Variants in SLCO1A2 observed in about 807,000 individuals in gnomAD.
SLCO1A2 encodes the protein solute carrier organic anion transporter family member 1A2.
A neutral mutation model predicts 69.0 loss-of-function variants in SLCO1A2; 67 were observed. That is an observed-to-expected ratio of 0.97 (90% confidence interval 0.80 to 1.19). The LOEUF is 1.19. SLCO1A2 is among the 50% of genes most tolerant of loss of function. SLCO1A2 has a pLI of 0.00. For missense variants in SLCO1A2, 787 were observed against 793.7 expected, an observed-to-expected ratio of 0.99 and a Z score of 0.10; for synonymous variants, 260 against 265.9, an observed-to-expected ratio of 0.98 and a Z score of 0.22.
rs199877480 is a variant in SLCO1A2 at position 21,299,929 on chromosome 12, CCT to C, written c.910+417_910+418del. 5.9e-5 allele frequency among the ~76,000 whole-genome samples: 8 copies of C among 136,546 alleles called. No individual in the cohort carries two copies. In the South Asian group the frequency reaches 1.1e-3, roughly 19 times the overall value. 89.6% of individuals were successfully genotyped at this position (136,546 alleles called of 152,430 possible). A position where few individuals can be genotyped will look rare whatever the true frequency, so the allele number is the denominator to read the frequency against. The stretch of plus-strand genomic sequence containing the variant: ...ACGTGTGTGTATATATATACATGAC[CCT>C]CTCTCTCCTCTCTCTCATATATATA... On this transcript the variant is annotated intron_variant, in intron 8 of 14. Coordinates refer to ENST00000683939, the MANE Select transcript of SLCO1A2 (RefSeq NM_001386879.1).
At chr12:21,407,162 C>T (rs1450299550) in intron 1 of SLCO1A2, among the ~76,000 whole-genome samples, 1 of 151,880 alleles carries the variant, frequency 6.6e-6, no homozygotes, top group Non-Finnish European at 1.5e-5. Flanking sequence ...CTGGAAAGAT[C>T]CTTGATGAAA....
At chr12:21,285,407 A>G (rs1382119618) in intron 12 of SLCO1A2, among the ~76,000 whole-genome samples, 3 of 147,932 alleles carry the variant, frequency 2.0e-5, no homozygotes, top group African/African-American at 7.5e-5. Flanking sequence ...AGATGGATTC[A>G]CAGCCGAATT....
intron 2 of SLCO1A2, among the ~76,000 whole-genome samples, chr12:21,351,514 G>A (rs1183598662): frequency 6.6e-6 from 1 of 152,090 alleles, no homozygotes; most frequent in African/African-American, 2.4e-5. Context: ...AGTGGCTTGT[G>A]CCTGTAATCC....
intron 2 of SLCO1A2, among the ~76,000 whole-genome samples, chr12:21,350,399 A>T (rs1160103160): frequency 4.6e-5 from 7 of 152,186 alleles, no homozygotes; most frequent in Non-Finnish European, 7.4e-5. Context: ...AATAAGAATA[A>T]AATATGGTTA....
intron 14 of SLCO1A2, among the ~76,000 whole-genome samples, chr12:21,273,173 C>A (rs750366239): frequency 6.6e-6 from 1 of 152,074 alleles, no homozygotes; most frequent in Non-Finnish European, 1.5e-5. Flanking sequence ...GTTAGAAAGT[C>A]CTGAGTTTAG....
At chr12:21,321,037 T>C (rs1951543513) in intron 2 of SLCO1A2, among the ~76,000 whole-genome samples, 3 of 152,216 alleles carry the variant, frequency 2.0e-5, no homozygotes, top group Non-Finnish European at 4.4e-5. Context: ...CTGGTGTTTC[T>C]TGAAACTACC....
At chr12:21,374,034 T>A (rs1193545960) in intron 2 of SLCO1A2, among the ~76,000 whole-genome samples, 1 of 152,208 alleles carries the variant, frequency 6.6e-6, no homozygotes, top group African/African-American at 2.4e-5. Context: ...GAAACAGATT[T>A]ATAAAAAGTT....
chr12:21,351,546 C>A (rs1474652743), intron 2 of SLCO1A2, among the ~76,000 whole-genome samples: 7 of 151,956 alleles, frequency 4.6e-5, no homozygotes, highest in Non-Finnish European at 8.8e-5. Context: ...GAGGCCAAGG[C>A]GGGTGGATCA....
intron 2 of SLCO1A2, among the ~76,000 whole-genome samples, chr12:21,362,280 T>C (rs1938968853): frequency 6.6e-6 from 1 of 152,104 alleles, no homozygotes; most frequent in Non-Finnish European, 1.5e-5. Context: ...CAACCCAGAA[T>C]TTCATACCCA....
chr12:21,317,549 A>G (rs1951032639), intron 3 of SLCO1A2, among the ~76,000 whole-genome samples: 1 of 151,356 alleles, frequency 6.6e-6, no homozygotes, highest in Admixed American at 6.6e-5. Flanking sequence ...AATTAATACT[A>G]TTATTATCTG....
intron 3 of SLCO1A2, among the ~76,000 whole-genome samples, chr12:21,315,009 G>A (rs1378826452): frequency 6.6e-6 from 1 of 152,120 alleles, no homozygotes; most frequent in East Asian, 1.9e-4. Context: ...TCTAGACTTG[G>A]GAAATGAGGT....
chr12:21,331,737 A>G (rs181259939), intron 2 of SLCO1A2, among the ~76,000 whole-genome samples: 5 of 152,208 alleles, frequency 3.3e-5, no homozygotes, highest in Admixed American at 6.5e-5. Context: ...CCCTGTTGGA[A>G]ATTAGCTGAA....
At chr12:21,299,809 T>TAC (rs201033206) in intron 8 of SLCO1A2, among the ~76,000 whole-genome samples, 2,833 of 119,272 alleles carry the variant, frequency 0.024, 58 homozygotes, top group Middle Eastern at 0.036. Context: ...CGTATATATA[T>TAC]ACACACACAC....
At chr12:21,289,399 C>A (rs1306854714) in intron 12 of SLCO1A2, among the ~76,000 whole-genome samples, 1 of 152,068 alleles carries the variant, frequency 6.6e-6, no homozygotes, top group Non-Finnish European at 1.5e-5. Flanking sequence ...GGTGGCCTCC[C>A]AGACTGATGT....
intron 1 of SLCO1A2, among the ~76,000 whole-genome samples, chr12:21,406,281 A>T (rs1941823313): frequency 1.3e-5 from 2 of 152,226 alleles, no homozygotes; most frequent in African/African-American, 4.8e-5. Context: ...CTCAGATGTT[A>T]CTTGTACTGC....
Position 21,300,352 on chromosome 12 carries a change from A to G in SLCO1A2, c.906T>C (p.Thr302=), listed in dbSNP as rs1233794940. 6.3e-7 allele frequency: 1 copy of G among 1,598,316 alleles called. No individual in the cohort carries two copies. The highest frequency in any genetic ancestry group is 1.1e-5 in the South Asian group (1 of 90,522). The change falls in exon 8 of 15, where the codon ACT becomes ACC. Residue 302 remains threonine, a synonymous_variant. Coordinates refer to ENST00000683939, the MANE Select transcript of SLCO1A2 (RefSeq NM_001386879.1). ...EEVKKEKYGI[T]KDFLPFMKSL... ...ATTTAGAATATGTATATTTGCCTTT[A>G]GTGATTCCATATTTTTCCTTCTTGA... is the stretch of plus-strand genomic sequence containing the variant.
In SLCO1A2 at chr12:21,271,997, T is replaced by C. The variant is rs1256453730; in HGVS notation, c.1794-2230A>G. On this transcript the variant is annotated intron_variant, in intron 14 of 14. Transcript: ENST00000683939. ...TTTCATTGACATACAGTTCTAATTA[T>C]TTATGTTTACTATAATTTATTCTTT... 2.6e-5 allele frequency among the ~76,000 whole-genome samples: 4 copies of C among 151,420 alleles called. No individual in the cohort carries two copies. The East Asian group carries it at 7.7e-4, about 29-fold the overall frequency.
chr12:21,304,327 A>T, intron 6 of SLCO1A2, 100 bp downstream of exon 6: 1 of 946,410 alleles, frequency 1.1e-6, no homozygotes, highest in South Asian at 1.7e-5. Context: ...TACTCTACTC[A>T]TCATTGTGGA....
chr12:21,381,856 GA>G (rs1940608378), intron 1 of SLCO1A2, among the ~76,000 whole-genome samples: 1 of 152,172 alleles, frequency 6.6e-6, no homozygotes, highest in South Asian at 2.1e-4. Context: ...TGGGGAAAAA[GA>G]AATGCTTACA....
Sources: gnomAD v4.1 joint callset for allele counts (sites outside exome capture counted in the v4.1 genomes callset) on GRCh38, gnomAD v4.1.1 for gene constraint, MANE v1.5 for transcripts, NCBI Gene and HGNC (gene_info 2026-07-23, HGNC 2026-07-21) for gene names.